The following CFAP144 variants were observed in gnomAD, a reference collection of about 807,000 sequenced individuals.
CFAP144 encodes cilia and flagella associated protein 144, also known as cilia- and flagella-associated protein 144.
chr1:43,146,727 G>A, the CFAP144 span, among the ~76,000 whole-genome samples: 19 of 152,238 alleles, frequency 1.2e-4, no homozygotes, highest in Non-Finnish European at 1.5e-4. Flanking sequence ...TGTCCTGAGC[G>A]AATGAATGGA....
At chr1:43,144,790 C>T in the CFAP144 span, among the ~76,000 whole-genome samples, 1 of 152,136 alleles carries the variant, frequency 6.6e-6, no homozygotes, top group African/African-American at 2.4e-5. Flanking sequence ...TCCTCCTAGC[C>T]CTTGTTTCTA....
the CFAP144 span, chr1:43,147,759 G>T: frequency 6.9e-7 from 1 of 1,441,984 alleles, no homozygotes; most frequent in Non-Finnish European, 9.1e-7. Flanking sequence ...ATAAGATCCC[G>T]ACCGGCGGGC....
the CFAP144 span, among the ~76,000 whole-genome samples, chr1:43,154,321 T>C: frequency 6.9e-6 from 1 of 145,252 alleles, no homozygotes; most frequent in Non-Finnish European, 1.5e-5. Flanking sequence ...AAATAAAAAT[T>C]ATTTATATAT....
the CFAP144 span, among the ~76,000 whole-genome samples, chr1:43,153,682 AT>A: frequency 6.6e-6 from 1 of 151,594 alleles, no homozygotes; most frequent in Non-Finnish European, 1.5e-5. Flanking sequence ...AATTTAAAAA[AT>A]TAAAACAAAA....
At chr1:43,153,475 T>C in the CFAP144 span, among the ~76,000 whole-genome samples, 1 of 151,994 alleles carries the variant, frequency 6.6e-6, no homozygotes, top group East Asian at 1.9e-4. Context: ...CTGGGCATGG[T>C]GTCGCACGCT....
At chr1:43,155,442 C>G in the CFAP144 span, among the ~76,000 whole-genome samples, 1 of 152,240 alleles carries the variant, frequency 6.6e-6, no homozygotes, top group Non-Finnish European at 1.5e-5. Context: ...CTGCAGATCA[C>G]AGAGTGCATG....
At chr1:43,148,124 A>G in the CFAP144 span, 1 of 1,517,676 alleles carries the variant, frequency 6.6e-7, no homozygotes, top group Admixed American at 1.8e-5. Context: ...CGAGAGCGGG[A>G]GGGCGCCGGG....
chr1:43,155,270 A>G, the CFAP144 span, among the ~76,000 whole-genome samples: 1 of 152,344 alleles, frequency 6.6e-6, no homozygotes, highest in Admixed American at 6.5e-5. Flanking sequence ...AAGTAAATTA[A>G]TTCACCATTC....
chr1:43,153,448 A>G, the CFAP144 span, among the ~76,000 whole-genome samples: 1 of 152,166 alleles, frequency 6.6e-6, no homozygotes, highest in East Asian at 1.9e-4. Flanking sequence ...CATCTGTACT[A>G]AAAATACAAA....
the CFAP144 span, among the ~76,000 whole-genome samples, chr1:43,146,945 A>C: frequency 6.6e-6 from 1 of 152,196 alleles, no homozygotes; most frequent in Non-Finnish European, 1.5e-5. Context: ...TCCCGGGTTC[A>C]AGCGATTCTC....
At chr1:43,143,287 C>T in the CFAP144 span, among the ~76,000 whole-genome samples, 1 of 152,074 alleles carries the variant, frequency 6.6e-6, no homozygotes, top group African/African-American at 2.4e-5. Flanking sequence ...GCAATGTCCT[C>T]AAGGGAAATC....
At chr1:43,147,995 A>G in the CFAP144 span, 3 of 1,614,054 alleles carry the variant, frequency 1.9e-6, no homozygotes, top group Non-Finnish European at 1.7e-6. Context: ...GATGAGGTCC[A>G]TCAGAACCAG....
At chr1:43,143,936 G>A in the CFAP144 span, among the ~76,000 whole-genome samples, 1 of 152,196 alleles carries the variant, frequency 6.6e-6, no homozygotes, top group African/African-American at 2.4e-5. Flanking sequence ...CCACCTAAGG[G>A]ACTTCATTCT....
At chr1:43,150,854 G>C in the CFAP144 span, 6 of 1,562,402 alleles carry the variant, frequency 3.8e-6, no homozygotes, top group Admixed American at 7.2e-5. Flanking sequence ...CATTGAGATA[G>C]AGCCCAGAGA....
the CFAP144 span, among the ~76,000 whole-genome samples, chr1:43,144,197 C>T: frequency 6.6e-6 from 1 of 152,192 alleles, no homozygotes; most frequent in African/African-American, 2.4e-5. Context: ...ATCCCAAAAA[C>T]AAGGATTAAT....
the CFAP144 span, chr1:43,148,174 C>G: frequency 7.2e-7 from 1 of 1,393,712 alleles, no homozygotes; most frequent in Non-Finnish European, 9.7e-7. Flanking sequence ...GGAACGCGGT[C>G]CCAGCAAAAA....
the CFAP144 span, chr1:43,147,984 A>G: frequency 1.6e-5 from 26 of 1,614,068 alleles, no homozygotes; most frequent in Non-Finnish European, 2.1e-5. Flanking sequence ...AGGTGATTCC[A>G]GATGAGGTCC....
At chr1:43,145,978 G>A in the CFAP144 span, among the ~76,000 whole-genome samples, 5 of 152,234 alleles carry the variant, frequency 3.3e-5, no homozygotes, top group Non-Finnish European at 7.3e-5. Context: ...GACCAGTGAG[G>A]AAGGACTATC....
chr1:43,147,990 G>A, the CFAP144 span: 1 of 1,614,058 alleles, frequency 6.2e-7, no homozygotes, highest in Non-Finnish European at 8.5e-7. Context: ...TTCCAGATGA[G>A]GTCCATCAGA....
Sources: gnomAD v4.1 joint callset for allele counts (sites outside exome capture counted in the v4.1 genomes callset) on GRCh38, gnomAD v4.1.1 for gene constraint, MANE v1.5 for transcripts, NCBI Gene and HGNC (gene_info 2026-07-23, HGNC 2026-07-21) for gene names.